Variants in KDM4C observed in about 807,000 individuals in gnomAD.
KDM4C encodes lysine demethylase 4C, also known as lysine-specific demethylase 4C.
Under a neutral mutation model 129.3 loss-of-function variants are expected in KDM4C, and 81 were observed. That is an observed-to-expected ratio of 0.63 (90% CI 0.52 to 0.75). KDM4C has a LOEUF of 0.75. Ranked by LOEUF, KDM4C falls within the 30% of genes least tolerant of loss-of-function variation. KDM4C has a pLI of 0.00. For synonymous variants in KDM4C, 573 were observed against 456.1 expected, an observed-to-expected ratio of 1.26 and a Z score of -3.26; for missense variants, 1,457 against 1,304.0, an observed-to-expected ratio of 1.12 and a Z score of -1.81.
upstream of KDM4C, chr9:6,757,621 A>T (rs944303902): frequency 1.0e-6 from 1 of 985,322 alleles, no homozygotes; most frequent in African/African-American, 1.7e-5. Context: ...CGCCACGCTG[A>T]CGTCCGCGCG....
intron 17 of KDM4C, among the ~76,000 whole-genome samples, chr9:7,078,152 T>C (rs1834131496): frequency 6.6e-6 from 1 of 152,240 alleles, no homozygotes; most frequent in Non-Finnish European, 1.5e-5. Flanking sequence ...ATTGTCGTTG[T>C]CTCTGGATGA....
chr9:7,082,359 A>G (rs1834626089), intron 17 of KDM4C, among the ~76,000 whole-genome samples: 1 of 152,152 alleles, frequency 6.6e-6, no homozygotes, highest in African/African-American at 2.4e-5. Flanking sequence ...CGGGAGTTAC[A>G]CAGAGAGCCC....
At chr9:6,768,695 G>A (rs1821137619) in intron 1 of KDM4C, among the ~76,000 whole-genome samples, 1 of 152,096 alleles carries the variant, frequency 6.6e-6, no homozygotes, top group African/African-American at 2.4e-5. Flanking sequence ...ATGGATTTGA[G>A]AAGGATTTTC....
At chr9:6,726,283 G>A (rs1045138002) in intron 1 of KDM4C, among the ~76,000 whole-genome samples, 4 of 152,166 alleles carry the variant, frequency 2.6e-5, no homozygotes, top group Non-Finnish European at 4.4e-5. Context: ...AGAGACTTCC[G>A]AGATTCTCTA....
intron 8 of KDM4C, among the ~76,000 whole-genome samples, chr9:6,975,309 C>T (rs1046351369): frequency 7.2e-5 from 11 of 152,152 alleles, no homozygotes; most frequent in African/African-American, 2.2e-4. Context: ...TAATGAGTCC[C>T]GGACATTTAT....
At chr9:6,837,729 TC>T (rs1385050748) in intron 4 of KDM4C, among the ~76,000 whole-genome samples, 1 of 152,338 alleles carries the variant, frequency 6.6e-6, no homozygotes, top group African/African-American at 2.4e-5. Context: ...ACCAAAACTA[TC>T]CCAGTTATAT....
chr9:6,991,988 T>C (rs1818831570), intron 12 of KDM4C, among the ~76,000 whole-genome samples: 1 of 152,000 alleles, frequency 6.6e-6, no homozygotes. Context: ...TTTGCATTGA[T>C]TTCCATATAT....
chr9:7,157,922 A>G (rs770765657), intron 19 of KDM4C, among the ~76,000 whole-genome samples: 2 of 152,190 alleles, frequency 1.3e-5, no homozygotes, highest in Non-Finnish European at 2.9e-5. Flanking sequence ...ATAGTTTCAG[A>G]AAGAATGGGA....
At chr9:6,892,888 C>T (rs1195622918) in intron 7 of KDM4C, among the ~76,000 whole-genome samples, 1 of 152,104 alleles carries the variant, frequency 6.6e-6, no homozygotes, top group South Asian at 2.1e-4. Flanking sequence ...TGCCAGCAAG[C>T]CACATCCTAT....
At chr9:7,052,344 GTATGTGTA>G (rs1245219466) in intron 17 of KDM4C, among the ~76,000 whole-genome samples, 1 of 152,172 alleles carries the variant, frequency 6.6e-6, no homozygotes, top group African/African-American at 2.4e-5. Context: ...ATTCTGTGAT[GTATGTGTA>G]TATGCACATA....
intron 1 of KDM4C, among the ~76,000 whole-genome samples, chr9:6,785,621 G>A (rs1208773980): frequency 2.0e-5 from 3 of 152,228 alleles, no homozygotes; most frequent in Non-Finnish European, 2.9e-5. Flanking sequence ...ACAGGCATGA[G>A]CCACTGCGCC....
upstream of KDM4C, among the ~76,000 whole-genome samples, chr9:6,755,376 T>TA (rs1246359670): frequency 1.4e-5 from 2 of 140,736 alleles, no homozygotes; most frequent in Non-Finnish European, 3.1e-5. Context: ...GTCTCAATTA[T>TA]AAAAAAATGC....
chr9:6,753,030 A>G (rs561805593), upstream of KDM4C, among the ~76,000 whole-genome samples: 22 of 152,258 alleles, frequency 1.4e-4, no homozygotes, highest in Middle Eastern at 6.8e-3. Context: ...CAGAAATAGC[A>G]GCTGCTTTTG....
chr9:6,884,021 G>T (rs1413998101), intron 6 of KDM4C, among the ~76,000 whole-genome samples: 2 of 152,106 alleles, frequency 1.3e-5, no homozygotes, highest in Non-Finnish European at 2.9e-5. Flanking sequence ...GAAAAAACTT[G>T]CCCATTACAC....
intron 12 of KDM4C, among the ~76,000 whole-genome samples, chr9:7,007,996 A>G (rs1821993957): frequency 6.6e-6 from 1 of 152,180 alleles, no homozygotes; most frequent in South Asian, 2.1e-4. Flanking sequence ...AAATGCCTTC[A>G]AAAGAGATAC....
intron 19 of KDM4C, among the ~76,000 whole-genome samples, chr9:7,154,300 C>T (rs546729762): frequency 3.9e-4 from 60 of 152,338 alleles, no homozygotes; most frequent in African/African-American, 1.2e-3. Flanking sequence ...GTTGGCATTT[C>T]GCCCCAGGTC....
intron 6 of KDM4C, among the ~76,000 whole-genome samples, chr9:6,885,444 TC>T (rs546012076): frequency 9.8e-4 from 150 of 152,328 alleles, no homozygotes; most frequent in African/African-American, 3.5e-3. Flanking sequence ...ACTTTGGTGT[TC>T]TTAGGAAAGG....
At chr9:7,149,101 G>A (rs897189217) in intron 19 of KDM4C, among the ~76,000 whole-genome samples, 5 of 152,222 alleles carry the variant, frequency 3.3e-5, no homozygotes, top group South Asian at 2.1e-4. Context: ...AGGGGCACTT[G>A]CATGCCCATG....
At chr9:6,760,637 C>A (rs61278451) in intron 1 of KDM4C, among the ~76,000 whole-genome samples, 1 of 151,770 alleles carries the variant, frequency 6.6e-6, no homozygotes, top group Non-Finnish European at 1.5e-5. Context: ...GTGGCACGAT[C>A]TCTGCTCACT....
Sources: allele counts gnomAD v4.1 joint callset (sites outside exome capture counted in the v4.1 genomes callset), GRCh38; gene constraint gnomAD v4.1.1; transcripts MANE v1.5; gene names NCBI Gene and HGNC (gene_info 2026-07-23, HGNC 2026-07-21).